Variants in HECW2 observed in about 807,000 individuals in gnomAD.
The protein encoded by HECW2 is E3 ubiquitin-protein ligase HECW2.
HECW2 carries 61 observed loss-of-function variants against 175.2 expected under a neutral mutation model. The observed-to-expected ratio is 0.35, with a 90% CI of 0.28 to 0.43. The LOEUF (loss-of-function observed/expected upper bound fraction) is 0.43. Among genes scored for constraint, HECW2 ranks in the 20% least tolerant of loss-of-function variants. HECW2 has a pLI of 1.00. For missense variants in HECW2, 1,524 were observed against 2,000.5 expected, an observed-to-expected ratio of 0.76 and a Z score of 4.54; for synonymous variants, 671 against 731.0, an observed-to-expected ratio of 0.92 and a Z score of 1.32.
At chr2:196,458,701 A>G (rs1559122033) in intron 1 of HECW2, among the ~76,000 whole-genome samples, 1 of 152,092 alleles carries the variant, frequency 6.6e-6, no homozygotes, top group Non-Finnish European at 1.5e-5. Context: ...CCCCGTCTCT[A>G]CTAAAAATAC....
chr2:196,464,283 A>G (rs1026078107), intron 1 of HECW2, among the ~76,000 whole-genome samples: 1 of 152,174 alleles, frequency 6.6e-6, no homozygotes, highest in Admixed American at 6.5e-5. Context: ...CTGAAAAACT[A>G]CATAGGTTAC....
chr2:196,351,569 T>G (rs1398541032), intron 2 of HECW2, among the ~76,000 whole-genome samples: 1 of 152,194 alleles, frequency 6.6e-6, no homozygotes, highest in East Asian at 1.9e-4. Context: ...AGACGAGAAA[T>G]TTTTTGAGAA....
intron 11 of HECW2, among the ~76,000 whole-genome samples, 181 bp from the exon 12 acceptor site, chr2:196,307,414 T>C (rs1252994590): frequency 6.6e-6 from 1 of 152,160 alleles, no homozygotes; most frequent in Non-Finnish European, 1.5e-5. Context: ...ATTTCTTCTG[T>C]CCATTGTTTG....
chr2:196,239,917 A>C (rs1688387773), intron 21 of HECW2: 1 of 152,278 alleles, frequency 6.6e-6, no homozygotes, highest in African/African-American at 2.4e-5. Context: ...TAATGTTGGT[A>C]GGTGTGCTGC....
chr2:196,349,592 G>C (rs1042918740), intron 2 of HECW2, among the ~76,000 whole-genome samples: 2 of 151,988 alleles, frequency 1.3e-5, no homozygotes, highest in African/African-American at 4.8e-5. Flanking sequence ...TTACAGATGT[G>C]AGCCACCATG....
chr2:196,242,034 CTCT>C, intron 20 of HECW2, 47 bp downstream of exon 20: 2 of 1,573,674 alleles, frequency 1.3e-6, no homozygotes, highest in Non-Finnish European at 1.7e-6. Flanking sequence ...CAACTGTGCC[CTCT>C]CCTTTCACCA....
chr2:196,375,681 T>C (rs759610116), intron 2 of HECW2, among the ~76,000 whole-genome samples: 14 of 152,222 alleles, frequency 9.2e-5, no homozygotes, highest in Admixed American at 6.5e-5. Flanking sequence ...GATATTGGTA[T>C]CATGCAATGG....
chr2:196,421,306 A>G (rs1695401152), intron 2 of HECW2, among the ~76,000 whole-genome samples: 1 of 152,170 alleles, frequency 6.6e-6, no homozygotes, highest in Admixed American at 6.5e-5. Context: ...ATTAAAAATC[A>G]TAAAGCTTTA....
intron 2 of HECW2, among the ~76,000 whole-genome samples, chr2:196,390,654 A>G (rs1694479231): frequency 6.6e-6 from 1 of 152,050 alleles, no homozygotes; most frequent in African/African-American, 2.4e-5. Flanking sequence ...AATGCCATCT[A>G]TAACCTTGTT....
chr2:196,536,495 G>T lies in HECW2; in HGVS notation c.-36+57013C>A, dbSNP rs574149479. 3.3e-5 allele frequency among the ~76,000 whole-genome samples: 5 copies of T among 152,234 alleles called. No individual in the cohort carries two copies. In the South Asian group the frequency reaches 1.0e-3, roughly 32 times the overall value. ...GCATGCTCAGCCTCACAAAACTCCTGCTGCCTATGTATCTCTGTTCCCACC... is the reference window on the plus strand; with the variant it reads ...GCATGCTCAGCCTCACAAAACTCCTTCTGCCTATGTATCTCTGTTCCCACC... On this transcript the variant is annotated intron_variant, in intron 1 of 28. Coordinates refer to ENST00000644978, the MANE Select transcript of HECW2 (RefSeq NM_001348768.2).
At position 196,306,519 on chromosome 2, in the gene HECW2, G is replaced by A; in HGVS notation, c.2783C>T (p.Pro928Leu). ...QSPPVKFLISPEFFTVLHSNP... is the reference protein window; with the variant it reads ...QSPPVKFLISLEFFTVLHSNP... ...AGAATGCAGCACGGTGAAGAACTCT[G>A]GGCTGATGAGGAACTTCACGGGGGG... The change falls in exon 13 of 29, where the codon CCA becomes CTA. Residue 928 changes from proline (P) to leucine (L), a missense_variant. By Grantham distance (98) the Pro-to-Leu change is moderately conservative. This residue lies in a region of HECW2 where 105 missense variants were observed against 98.1 expected (regional missense o/e 1.07). Coordinates refer to ENST00000644978, the MANE Select transcript of HECW2 (RefSeq NM_001348768.2). 1 of 1,611,698 alleles carries A rather than the reference G, an allele frequency of 6.2e-7. No homozygotes were observed. The highest frequency in any genetic ancestry group is 8.5e-7 in the Non-Finnish European group (1 of 1,178,932).
chr2:196,245,322 C>G (rs1688607181), intron 19 of HECW2, among the ~76,000 whole-genome samples: 1 of 152,182 alleles, frequency 6.6e-6, no homozygotes. Flanking sequence ...CACTTTGCAA[C>G]TAAAGAAAAT....
intron 17 of HECW2, among the ~76,000 whole-genome samples, chr2:196,262,360 A>T (rs1204334434): frequency 6.6e-6 from 1 of 152,080 alleles, no homozygotes; most frequent in African/African-American, 2.4e-5. Flanking sequence ...AATTCAATTC[A>T]ACCTCAGTGG....
intron 2 of HECW2, among the ~76,000 whole-genome samples, chr2:196,395,549 C>A (rs971988849): frequency 1.3e-5 from 2 of 151,994 alleles, no homozygotes; most frequent in African/African-American, 4.8e-5. Flanking sequence ...TTTAGAAATG[C>A]GCAAAGAACT....
At chr2:196,279,079 C>T (rs1003548742) in intron 14 of HECW2, among the ~76,000 whole-genome samples, 3 of 151,850 alleles carry the variant, frequency 2.0e-5, no homozygotes, top group African/African-American at 2.4e-5. Context: ...GACGGAGTCT[C>T]GCTCTGTCAC....
intron 1 of HECW2, among the ~76,000 whole-genome samples, chr2:196,444,413 C>G (rs1206838685): frequency 6.6e-6 from 1 of 152,338 alleles, no homozygotes; most frequent in East Asian, 1.9e-4. Context: ...GAGGTCATAA[C>G]TACAAATTCT....
At chr2:196,419,357 T>A (rs1225862107) in intron 2 of HECW2, among the ~76,000 whole-genome samples, 2 of 152,166 alleles carry the variant, frequency 1.3e-5, no homozygotes, top group Admixed American at 1.3e-4. Flanking sequence ...TTCAAGTACA[T>A]CTGCAAACCC....
chr2:196,528,234 A>G (rs16853332), intron 1 of HECW2, among the ~76,000 whole-genome samples: 12,391 of 152,292 alleles, frequency 0.081, 645 homozygotes, highest in South Asian at 0.15. Flanking sequence ...AAATGATTCA[A>G]TTACATAAAT....
At chr2:196,563,493 G>A (rs535592712) in intron 1 of HECW2, among the ~76,000 whole-genome samples, 82 of 148,064 alleles carry the variant, frequency 5.5e-4, no homozygotes, top group African/African-American at 1.9e-3. Context: ...TTGAACCCAG[G>A]AGGCGGAGGT....
Sources: gnomAD v4.1 joint callset for allele counts (sites outside exome capture counted in the v4.1 genomes callset) on GRCh38, gnomAD v4.1.1 for gene constraint, gnomAD v4.1.1 regional missense constraint, MANE v1.5 for transcripts, NCBI Gene and HGNC (gene_info 2026-07-23, HGNC 2026-07-21) for gene names.